Variants in PRUNE2 observed in about 807,000 individuals in gnomAD.
PRUNE2 encodes the protein protein prune homolog 2.
Under a neutral mutation model 252.0 loss-of-function variants are expected in PRUNE2, and 164 were observed. The ratio of observed to expected loss-of-function variants is 0.65; its 90% confidence interval spans 0.57 to 0.74. PRUNE2 has a LOEUF of 0.74. PRUNE2 is among the 30% of genes least tolerant of loss of function. PRUNE2 has a pLI of 0.00. For missense variants in PRUNE2, 3,495 were observed against 3,711.0 expected (o/e 0.94, Z 1.51); for synonymous variants, 1,292 against 1,350.2 (o/e 0.96, Z 0.94).
At chr9:76,827,157 T>C (rs1295308976) in intron 4 of PRUNE2, among the ~76,000 whole-genome samples, 4 of 151,686 alleles carry the variant, frequency 2.6e-5, no homozygotes, top group African/African-American at 7.3e-5. Context: ...ACTCATTATA[T>C]TATTAATTTT....
intron 6 of PRUNE2, among the ~76,000 whole-genome samples, chr9:76,776,893 TACACACACACACACACACACACACACAC>T (rs541232508): frequency 8.6e-6 from 1 of 115,616 alleles, no homozygotes; most frequent in Non-Finnish European, 1.7e-5. Context: ...CCAAAACACA[TACACACACACACACACACACACACACAC>T]ACACACACAC....
intron 11 of PRUNE2, chr9:76,652,227 C>T (rs1235941685): frequency 8.6e-6 from 3 of 346,834 alleles, no homozygotes; most frequent in Admixed American, 8.8e-5. Flanking sequence ...ACAGTCTTCC[C>T]TCAGCCCCAG....
intron 6 of PRUNE2, among the ~76,000 whole-genome samples, chr9:76,765,185 C>T (rs531850902): frequency 1.3e-5 from 2 of 152,232 alleles, no homozygotes; most frequent in East Asian, 3.9e-4. Context: ...TGGAACCAAG[C>T]TGGGAATTCC....
chr9:76,848,851 C>A (rs2059802259), intron 3 of PRUNE2, among the ~76,000 whole-genome samples: 1 of 152,214 alleles, frequency 6.6e-6, no homozygotes, highest in Admixed American at 6.5e-5. Flanking sequence ...AATCCCCACT[C>A]TTCTACTAAC....
chr9:76,683,122 A>T (rs1017011934), intron 9 of PRUNE2, among the ~76,000 whole-genome samples: 4 of 152,170 alleles, frequency 2.6e-5, no homozygotes, highest in Non-Finnish European at 5.9e-5. Flanking sequence ...GATGAAGGTA[A>T]TTTCCTTTCC....
Position 76,705,871 on chromosome 9 carries a change from A to G in PRUNE2, c.6403T>C (p.Cys2135Arg). The change falls in exon 8 of 19, where the codon TGT (cysteine) becomes CGT (arginine). Residue 2135 changes from cysteine (C) to arginine (R), a missense_variant. Transcript: ENST00000376718. Reference sequence around the variant, plus strand: ...TCATCTATCTCTGGCTCAGTGAGACAAAGCTCACTGGATTCCACTTCAGGT... The same window carrying G: ...TCATCTATCTCTGGCTCAGTGAGACGAAGCTCACTGGATTCCACTTCAGGT... ...MGPEVESSEL[C>R]LTEPEIDEEP... The G allele has an allele frequency of 6.2e-7, 1 of 1,613,716 alleles. No individual in the cohort carries two copies. The highest frequency in any genetic ancestry group is 8.5e-7 in the Non-Finnish European group (1 of 1,179,842).
At chr9:76,820,674 T>C (rs1296313728) in intron 6 of PRUNE2, among the ~76,000 whole-genome samples, 1 of 152,182 alleles carries the variant, frequency 6.6e-6, no homozygotes, top group African/African-American at 2.4e-5. Context: ...AGCTAACGAC[T>C]TTGCAAAGCC....
At chr9:76,874,819 T>C (rs1217096790) in intron 1 of PRUNE2, among the ~76,000 whole-genome samples, 1 of 152,172 alleles carries the variant, frequency 6.6e-6, no homozygotes, top group Non-Finnish European at 1.5e-5. Context: ...ACAAAGTATA[T>C]TAATTATCAT....
chr9:76,746,463 T>C (rs2050111614), intron 6 of PRUNE2, among the ~76,000 whole-genome samples: 1 of 150,392 alleles, frequency 6.6e-6, no homozygotes, highest in South Asian at 2.1e-4. Flanking sequence ...CCCAGCACTT[T>C]GGGAGGCCGA....
intron 15 of PRUNE2, among the ~76,000 whole-genome samples, chr9:76,632,427 C>T (rs957194708): frequency 1.4e-4 from 22 of 152,276 alleles, no homozygotes; most frequent in African/African-American, 5.3e-4. Flanking sequence ...TTATTAAGTA[C>T]TTGATGTAGG....
chr9:76,753,626 G>C (rs1021601710), intron 6 of PRUNE2, among the ~76,000 whole-genome samples: 1 of 152,038 alleles, frequency 6.6e-6, no homozygotes, highest in Non-Finnish European at 1.5e-5. Flanking sequence ...TCAGGAATAG[G>C]GCCACGCTTC....
chr9:76,639,970 AGTCAG>A (rs1841869273), intron 12 of PRUNE2, among the ~76,000 whole-genome samples: 1 of 152,248 alleles, frequency 6.6e-6, no homozygotes, highest in South Asian at 2.1e-4. Context: ...AGCAGGTGTC[AGTCAG>A]ACCCCCACAG....
intron 12 of PRUNE2, among the ~76,000 whole-genome samples, chr9:76,640,209 A>G (rs1841979301): frequency 6.6e-6 from 1 of 152,080 alleles, no homozygotes; most frequent in Non-Finnish European, 1.5e-5. Context: ...TTTTTTCAGA[A>G]CTCTAAATAC....
intron 6 of PRUNE2, among the ~76,000 whole-genome samples, chr9:76,790,032 G>T (rs1398917920): frequency 6.6e-6 from 1 of 152,140 alleles, no homozygotes; most frequent in African/African-American, 2.4e-5. Flanking sequence ...GCCTTGGGAA[G>T]TTGCAACATG....
chr9:76,651,618 A>ATGAT (rs1847429137), intron 11 of PRUNE2, among the ~76,000 whole-genome samples: 1 of 152,236 alleles, frequency 6.6e-6, no homozygotes, highest in Admixed American at 6.5e-5. Flanking sequence ...TTAAAAAAAA[A>ATGAT]TGATTGTATT....
intron 1 of PRUNE2, among the ~76,000 whole-genome samples, chr9:76,854,843 T>A (rs527985339): frequency 6.6e-6 from 1 of 151,918 alleles, no homozygotes; most frequent in South Asian, 2.1e-4. Flanking sequence ...GGCAGGTGGA[T>A]CATGAGGTCA....
chr9:76,869,743 A>C (rs890025551), intron 1 of PRUNE2, among the ~76,000 whole-genome samples: 2 of 152,212 alleles, frequency 1.3e-5, no homozygotes, highest in South Asian at 2.1e-4. Flanking sequence ...GGAAAGTTTA[A>C]AGTATTCTAA....
At chr9:76,755,546 C>T (rs994972339) in intron 6 of PRUNE2, among the ~76,000 whole-genome samples, 10 of 152,032 alleles carry the variant, frequency 6.6e-5, no homozygotes, top group African/African-American at 2.4e-4. Context: ...GAGGAGAGGG[C>T]AGGAATCTAG....
intron 9 of PRUNE2, among the ~76,000 whole-genome samples, chr9:76,676,248 A>AG (rs2134084318): frequency 7.1e-6 from 1 of 141,124 alleles, no homozygotes; most frequent in South Asian, 2.4e-4. Flanking sequence ...AAACATTAAA[A>AG]AAAAAAAAAT....
Sources: gnomAD v4.1 joint callset for allele counts (sites outside exome capture counted in the v4.1 genomes callset) on GRCh38, gnomAD v4.1.1 for gene constraint, MANE v1.5 for transcripts, NCBI Gene and HGNC (gene_info 2026-07-23, HGNC 2026-07-21) for gene names.